NCOA2: variants seen among roughly 807,000 people sequenced by gnomAD.
The protein encoded by NCOA2 is class E basic helix-loop-helix protein 75.
NCOA2 carries 21 observed loss-of-function variants against 145.1 expected under a neutral mutation model. That is an observed-to-expected ratio of 0.14 (90% CI 0.10 to 0.21). The LOEUF (loss-of-function observed/expected upper bound fraction) is 0.21, where lower values mean the gene tolerates loss of function less well. Ranked by LOEUF, NCOA2 falls within the 10% of genes least tolerant of loss-of-function variation. NCOA2 has a pLI of 1.00. For synonymous variants in NCOA2, 619 were observed against 637.5 expected (o/e 0.97, Z 0.44); for missense variants, 1,472 against 1,837.6 (o/e 0.80, Z 3.64).
At chr8:70,258,119 G>A (rs908835622) in intron 2 of NCOA2, among the ~76,000 whole-genome samples, 19 of 151,994 alleles carry the variant, frequency 1.3e-4, no homozygotes, top group South Asian at 4.2e-4. Flanking sequence ...ATTTCATCAT[G>A]TTGCCCAGGC....
chr8:70,349,645 AGCTTTCCATAAATCCTAG>A (rs1808988586), intron 1 of NCOA2, among the ~76,000 whole-genome samples: 1 of 152,092 alleles, frequency 6.6e-6, no homozygotes, highest in Non-Finnish European at 1.5e-5. Context: ...TTAACTCCTA[AGCTTTCCATAAATCCTAG>A]ATTCTGTCTG....
At position 70,110,710 on chromosome 8, in the gene NCOA2, CT is replaced by C. The variant is rs1806463952; in HGVS notation, c.*2921del. ...CATTATATAAACTGCAAAAACATTG[CT>C]TTCAATTATTACAGGCCATAAGAGA... On this transcript the variant is annotated 3_prime_UTR_variant, in exon 23 of 23. Transcript: ENST00000452400. 1 of 219,690 alleles carries C rather than the reference CT, an allele frequency of 4.6e-6. No homozygotes were observed. The highest frequency in any genetic ancestry group is 5.8e-5 in the Admixed American group (1 of 17,362). 13.6% of individuals were successfully genotyped at this position (219,690 alleles called of 1,614,324 possible).
At chr8:70,441,499 GAGAAAGAAAAGA>G in the NCOA2 span, among the ~76,000 whole-genome samples, 4 of 140,460 alleles carry the variant, frequency 2.8e-5, no homozygotes, top group African/African-American at 7.9e-5. Flanking sequence ...GGGAAAGAAA[GAGAAAGAAAAGA>G]AGAAAGAAAA....
In NCOA2 at chr8:70,156,076, G is replaced by A. The variant is rs1812255587; in HGVS notation, c.2289C>T (p.Thr763=). Residue 763 remains threonine (T), a synonymous_variant, in exon 11 of 23, where the codon ACC becomes ACT. Coordinates refer to ENST00000452400, the MANE Select transcript of NCOA2 (RefSeq NM_006540.4). ...TACTGTCCAGTCTCTCAAGTTTGGGGGTTATTTCTGGTAAACCAATATCTT... is the reference window on the plus strand; with the variant it reads ...TACTGTCCAGTCTCTCAAGTTTGGGAGTTATTTCTGGTAAACCAATATCTT... ...DTKDIGLPEI[T]PKLERLDSKT... 1 of 1,613,848 alleles carries A rather than the reference G, an allele frequency of 6.2e-7. No individual in the cohort carries two copies. Among genetic ancestry groups the A allele is most frequent in the Non-Finnish European group, 8.5e-7 (1 of 1,179,846 alleles).
At chr8:70,224,399 T>A (rs1820424084) in intron 2 of NCOA2, among the ~76,000 whole-genome samples, 1 of 152,200 alleles carries the variant, frequency 6.6e-6, no homozygotes, top group Non-Finnish European at 1.5e-5. Flanking sequence ...ACCTTAATAA[T>A]TTCCTTTTAA....
chr8:70,181,124 A>G (rs1472147170), intron 4 of NCOA2, among the ~76,000 whole-genome samples: 3 of 152,206 alleles, frequency 2.0e-5, no homozygotes, highest in African/African-American at 7.2e-5. Context: ...TTACAAATTC[A>G]GAGAGTCTTT....
rs192698699 is a variant in NCOA2, at chr8:70,249,877, C to T, written c.-19-33113G>A. Among the ~76,000 whole-genome samples the T allele has an allele frequency of 4.0e-3, 567 of 142,460 alleles. 2 individuals carry two copies. The highest frequency in any genetic ancestry group is 6.8e-3 in the Non-Finnish European group (455 of 66,506). 93.5% of individuals were successfully genotyped at this position (142,460 alleles called of 152,430 possible). A position where few individuals can be genotyped will look rare whatever the true frequency, so the allele number is the denominator to read the frequency against. On this transcript the variant is annotated intron_variant, in intron 2 of 22. Coordinates refer to ENST00000452400, the MANE Select transcript of NCOA2 (RefSeq NM_006540.4). ...TACTCGGAGGCTAAGGCAGGAGAAT[C>T]GCTTGAACCTGGGAGGCAGAGGTTG...
intron 11 of NCOA2, among the ~76,000 whole-genome samples, chr8:70,149,591 A>C (rs1811528497): frequency 6.6e-6 from 1 of 151,978 alleles, no homozygotes; most frequent in Non-Finnish European, 1.5e-5. Context: ...TAAAAAAAAA[A>C]ACAAAATTCA....
At chr8:70,353,344 G>A (rs997937845) in intron 1 of NCOA2, among the ~76,000 whole-genome samples, 1 of 150,668 alleles carries the variant, frequency 6.6e-6, no homozygotes, top group East Asian at 1.9e-4. Context: ...CAACTTCCCA[G>A]GCTCAAATGA....
intron 1 of NCOA2, among the ~76,000 whole-genome samples, chr8:70,306,443 T>C (rs758138086): frequency 1.4e-4 from 21 of 152,236 alleles, no homozygotes; most frequent in Non-Finnish European, 2.8e-4. Context: ...GTTGTGAAGC[T>C]AGAATTTATT....
intron 1 of NCOA2, among the ~76,000 whole-genome samples, chr8:70,302,677 T>C (rs887686718): frequency 6.6e-6 from 1 of 152,230 alleles, no homozygotes; most frequent in African/African-American, 2.4e-5. Context: ...GTGCTTAAAG[T>C]TAACTGAAAG....
intron 1 of NCOA2, among the ~76,000 whole-genome samples, chr8:70,331,656 A>G (rs1244995931): frequency 6.6e-6 from 1 of 152,162 alleles, no homozygotes; most frequent in African/African-American, 2.4e-5. Flanking sequence ...AGAGAAATCA[A>G]AGTAAAAGTC....
chr8:70,330,338 C>A (rs536492194), intron 1 of NCOA2, among the ~76,000 whole-genome samples: 3 of 151,794 alleles, frequency 2.0e-5, no homozygotes, highest in Non-Finnish European at 4.4e-5. Flanking sequence ...GGAAGGCCAA[C>A]GCAGAGGGAT....
chr8:70,146,509 A>T (rs977203514), intron 12 of NCOA2, among the ~76,000 whole-genome samples: 3 of 152,218 alleles, frequency 2.0e-5, no homozygotes, highest in African/African-American at 4.8e-5. Flanking sequence ...GAAATAAAAT[A>T]TTTTAAAAAA....
intron 1 of NCOA2, among the ~76,000 whole-genome samples, chr8:70,346,754 A>G (rs900062792): frequency 2.0e-5 from 3 of 152,218 alleles, no homozygotes; most frequent in Non-Finnish European, 4.4e-5. Context: ...GTAGCTAACA[A>G]GTACTCAAGC....
Position 70,286,849 on chromosome 8 carries a change from C to T in NCOA2, c.-20+9895G>A, listed in dbSNP as rs115610620. 5.9e-3 allele frequency among the ~76,000 whole-genome samples: 896 copies of T among 152,106 alleles called. 5 individuals carry two copies. The highest frequency in any genetic ancestry group is 0.02 in the African/African-American group (836 of 41,466). ...GGGGAAATCTGAGAGAAAGGATGGC[C>T]TATTTTTCTTAACATTTTATAAAAT... On this transcript the variant is annotated intron_variant, in intron 2 of 22. Transcript: ENST00000452400.
intron 5 of NCOA2, among the ~76,000 whole-genome samples, chr8:70,174,316 T>C (rs912446639): frequency 6.6e-6 from 1 of 152,212 alleles, no homozygotes; most frequent in Non-Finnish European, 1.5e-5. Flanking sequence ...ATGAGATAAA[T>C]AAGCTAGTTT....
At chr8:70,447,234 T>C in the NCOA2 span, among the ~76,000 whole-genome samples, 2 of 152,208 alleles carry the variant, frequency 1.3e-5, no homozygotes, top group African/African-American at 4.8e-5. Context: ...TTCCCTGTCG[T>C]TTCTCCTTAA....
intron 2 of NCOA2, among the ~76,000 whole-genome samples, chr8:70,288,341 G>A (rs896238257): frequency 1.3e-5 from 2 of 152,088 alleles, no homozygotes; most frequent in African/African-American, 4.8e-5. Flanking sequence ...CACTTTGGGA[G>A]GCCAAGGTGG....
Sources: allele counts gnomAD v4.1 joint callset (sites outside exome capture counted in the v4.1 genomes callset), GRCh38; gene constraint gnomAD v4.1.1; transcripts MANE v1.5; gene names NCBI Gene and HGNC (gene_info 2026-07-23, HGNC 2026-07-21).